Variants in GPR158 observed in about 807,000 individuals in gnomAD.
The protein encoded by GPR158 is G protein-coupled receptor 158.
A neutral mutation model predicts 78.2 loss-of-function variants in GPR158; 30 were observed. That is an observed-to-expected ratio of 0.38 (90% CI 0.29 to 0.52). The LOEUF (loss-of-function observed/expected upper bound fraction) is 0.52, where lower values mean the gene tolerates loss of function less well. GPR158 is among the 20% of genes least tolerant of loss of function. The pLI, the probability that GPR158 is intolerant of heterozygous loss-of-function variation, is 0.83. For synonymous variants in GPR158, 581 were observed against 591.1 expected, an observed-to-expected ratio of 0.98 and a Z score of 0.25; for missense variants, 1,463 against 1,523.5, an observed-to-expected ratio of 0.96 and a Z score of 0.66.
intron 5 of GPR158, among the ~76,000 whole-genome samples, chr10:25,530,030 C>T (rs1406681330): frequency 6.6e-6 from 1 of 152,174 alleles, no homozygotes; most frequent in Non-Finnish European, 1.5e-5. Flanking sequence ...TGTCTAGACT[C>T]ATCCTCTCCC....
At chr10:25,318,230 T>C (rs67963266) in intron 2 of GPR158, among the ~76,000 whole-genome samples, 30,620 of 151,940 alleles carry the variant, frequency 0.2, 5,213 homozygotes, top group African/African-American at 0.47. Context: ...TGTCTTACAG[T>C]ATCCTCAATT....
At chr10:25,285,320 T>C (rs1040962903) in intron 2 of GPR158, among the ~76,000 whole-genome samples, 1 of 152,158 alleles carries the variant, frequency 6.6e-6, no homozygotes, top group African/African-American at 2.4e-5. Flanking sequence ...TGTGTCTGTC[T>C]GTCATCTAGC....
intron 3 of GPR158, among the ~76,000 whole-genome samples, chr10:25,398,773 A>T (rs78853020): frequency 2.6e-5 from 4 of 152,182 alleles, no homozygotes; most frequent in African/African-American, 9.7e-5. Flanking sequence ...CAGGAAGATG[A>T]TGTATAATTG....
intron 7 of GPR158, among the ~76,000 whole-genome samples, chr10:25,586,535 TG>T (rs927687179): frequency 9.2e-5 from 14 of 151,636 alleles, no homozygotes; most frequent in African/African-American, 3.4e-4. Context: ...CCTGAGTAGC[TG>T]GGACCACAGG....
chr10:25,209,935 G>T (rs1264842158), intron 1 of GPR158, among the ~76,000 whole-genome samples: 1 of 152,162 alleles, frequency 6.6e-6, no homozygotes, highest in African/African-American at 2.4e-5. Context: ...GTAGTTCTGG[G>T]CTTGAGCTAA....
In GPR158 at chr10:25,597,930, G is replaced by A; in HGVS notation, c.2304G>A (p.Gln768=). ...AGATCCCAGAGACAGTCAGCCGGCAGTGCTCTAAAGAGGACAAGGAGGGCG... is the reference window on the plus strand; with the variant it reads ...AGATCCCAGAGACAGTCAGCCGGCAATGCTCTAAAGAGGACAAGGAGGGCG... The part of the protein sequence containing the change: ...ITEIPETVSR[Q]CSKEDKEGAD... Residue 768 remains glutamine, a synonymous_variant, in exon 11 of 11, where the codon CAG becomes CAA. Transcript: ENST00000376351. The A allele has an allele frequency of 6.2e-7, 1 of 1,612,916 alleles. No individual in the cohort carries two copies. Among genetic ancestry groups the A allele is most frequent in the Non-Finnish European group, 8.5e-7 (1 of 1,179,360 alleles).
intron 4 of GPR158, among the ~76,000 whole-genome samples, chr10:25,438,547 A>G (rs998311225): frequency 5.3e-5 from 8 of 152,206 alleles, no homozygotes; most frequent in African/African-American, 1.9e-4. Flanking sequence ...TTTTAGAGAA[A>G]TCCCCAGGAG....
At chr10:25,441,941 G>A (rs897474417) in intron 4 of GPR158, among the ~76,000 whole-genome samples, 1 of 152,172 alleles carries the variant, frequency 6.6e-6, no homozygotes. Context: ...AATGGAACGT[G>A]AATGGAGAGT....
intron 1 of GPR158, among the ~76,000 whole-genome samples, chr10:25,177,183 T>A (rs1852549358): frequency 6.6e-6 from 1 of 152,226 alleles, no homozygotes; most frequent in Non-Finnish European, 1.5e-5. Flanking sequence ...TCTCAAACTA[T>A]AGCATTTGAG....
intron 5 of GPR158, among the ~76,000 whole-genome samples, chr10:25,519,763 C>T (rs1380508146): frequency 9.0e-5 from 9 of 100,160 alleles, no homozygotes; most frequent in Non-Finnish European, 1.7e-4. Flanking sequence ...TGATGGGCTT[C>T]CCTTTGAGGG....
intron 2 of GPR158, among the ~76,000 whole-genome samples, chr10:25,370,471 A>T (rs1447198495): frequency 2.9e-5 from 2 of 68,958 alleles, no homozygotes; most frequent in Non-Finnish European, 7.1e-5. Context: ...CATGTAGTTG[A>T]GTGGTTTTGA....
At chr10:25,500,377 T>C (rs570155097) in intron 5 of GPR158, among the ~76,000 whole-genome samples, 63 of 152,360 alleles carry the variant, frequency 4.1e-4, no homozygotes, top group Non-Finnish European at 6.9e-4. Flanking sequence ...TTTAGAATGA[T>C]ACTTGCTTTT....
At position 25,466,675 on chromosome 10, in the gene GPR158, C is replaced by T; in HGVS notation, c.1360C>T (p.Leu454=). The change falls in exon 5 of 11, where the codon CTG becomes TTG. Residue 454 remains leucine, a synonymous_variant. Transcript: ENST00000376351. The stretch of plus-strand genomic sequence containing the variant: ...GAGCATCCGGGCATCGGGCCTTATC[C>T]TGTTGGAAACGATCCTTTTTGGATC... The part of the protein sequence containing the change: ...AKSIRASGLI[L]LETILFGSLL... The T allele has an allele frequency of 6.2e-7, 1 of 1,607,052 alleles. No individual in the cohort carries two copies. The highest frequency in any genetic ancestry group is 8.5e-7 in the Non-Finnish European group (1 of 1,175,752).
chr10:25,186,989 G>A (rs562889031), intron 1 of GPR158, among the ~76,000 whole-genome samples: 1 of 142,976 alleles, frequency 7.0e-6, no homozygotes, highest in African/African-American at 2.6e-5. Context: ...TTTTGAGGTG[G>A]AGTCTCACTC....
At chr10:25,213,454 A>G (rs575506477) in intron 1 of GPR158, among the ~76,000 whole-genome samples, 2 of 152,302 alleles carry the variant, frequency 1.3e-5, no homozygotes, top group South Asian at 4.1e-4. Context: ...ACAACTTTTC[A>G]TTCTGATATA....
At chr10:25,192,973 C>T (rs1852793811) in intron 1 of GPR158, among the ~76,000 whole-genome samples, 1 of 152,050 alleles carries the variant, frequency 6.6e-6, no homozygotes, top group Admixed American at 6.6e-5. Flanking sequence ...TTATGGTAGG[C>T]TAGGTTAAAG....
intron 2 of GPR158, among the ~76,000 whole-genome samples, chr10:25,266,601 A>T (rs1264145459): frequency 6.6e-6 from 1 of 152,192 alleles, no homozygotes; most frequent in East Asian, 1.9e-4. Context: ...TCTTAAGCAT[A>T]AGAAGGAAAG....
chr10:25,248,294 T>C (rs1285212615), intron 2 of GPR158, among the ~76,000 whole-genome samples: 1 of 152,148 alleles, frequency 6.6e-6, no homozygotes, highest in East Asian at 1.9e-4. Context: ...GTAGTTTCTT[T>C]TGCTGTGCAG....
chr10:25,341,013 A>G (rs1217027176), intron 2 of GPR158, among the ~76,000 whole-genome samples: 1 of 152,076 alleles, frequency 6.6e-6, no homozygotes, highest in Non-Finnish European at 1.5e-5. Context: ...GTGAAAGTTG[A>G]CTTTCTGTTA....
Sources: gnomAD v4.1 joint callset for allele counts (sites outside exome capture counted in the v4.1 genomes callset) on GRCh38, gnomAD v4.1.1 for gene constraint, MANE v1.5 for transcripts, NCBI Gene and HGNC (gene_info 2026-07-23, HGNC 2026-07-21) for gene names.